MGAT4C: variants seen among roughly 807,000 people sequenced by gnomAD.
The protein encoded by MGAT4C is MGAT4 family member C.
In MGAT4C, 19 loss-of-function variants were observed where a neutral mutation model predicts 40.1. The observed-to-expected ratio is 0.47, with a 90% CI of 0.33 to 0.70. The LOEUF is 0.70. MGAT4C is among the 30% of genes least tolerant of loss of function. The pLI, the probability that MGAT4C is intolerant of heterozygous loss-of-function variation, is 0.02. For missense variants in MGAT4C, 491 were observed against 563.2 expected (o/e 0.87, Z 1.30); for synonymous variants, 181 against 187.1 (o/e 0.97, Z 0.27).
chr12:86,201,428 T>C (rs1014998637), intron 1 of MGAT4C, among the ~76,000 whole-genome samples: 1 of 144,658 alleles, frequency 6.9e-6, no homozygotes, highest in Non-Finnish European at 1.5e-5. Flanking sequence ...TTATAATATT[T>C]TATTTTTATA....
chr12:86,605,938 G>T (rs907235393), intron 2 of MGAT4C, among the ~76,000 whole-genome samples: 2 of 152,152 alleles, frequency 1.3e-5, no homozygotes, highest in Non-Finnish European at 2.9e-5. Flanking sequence ...GTAAAGGAAA[G>T]AAGTTTAATT....
chr12:86,189,608 T>G (rs1889145470), intron 1 of MGAT4C, among the ~76,000 whole-genome samples: 1 of 152,052 alleles, frequency 6.6e-6, no homozygotes, highest in Non-Finnish European at 1.5e-5. Flanking sequence ...GGAAACAGTC[T>G]AAGAGCACCT....
intron 1 of MGAT4C, among the ~76,000 whole-genome samples, chr12:86,154,070 A>AT (rs1424511640): frequency 6.6e-6 from 1 of 152,216 alleles, no homozygotes; most frequent in Non-Finnish European, 1.5e-5. Flanking sequence ...GACAAAACAC[A>AT]TTTACCATCA....
chr12:86,643,853 A>G (rs9788070), intron 2 of MGAT4C, among the ~76,000 whole-genome samples: 147,603 of 151,684 alleles, frequency 0.97, 71,906 homozygotes, highest in Middle Eastern at 1. Context: ...AATAGGCATA[A>G]AGTGATTATT....
intron 1 of MGAT4C, among the ~76,000 whole-genome samples, chr12:86,247,608 G>A (rs1259031680): frequency 6.6e-6 from 1 of 152,178 alleles, no homozygotes; most frequent in African/African-American, 2.4e-5. Flanking sequence ...CCTTAAGGCT[G>A]TGCTTCTTTA....
chr12:86,216,557 T>A (rs1448115376), intron 1 of MGAT4C, among the ~76,000 whole-genome samples: 1 of 152,218 alleles, frequency 6.6e-6, no homozygotes, highest in African/African-American at 2.4e-5. Flanking sequence ...TGATAAGAGC[T>A]ATTTAGGTTT....
chr12:86,312,209 T>C (rs1175462545), intron 4 of MGAT4C, among the ~76,000 whole-genome samples: 1 of 152,180 alleles, frequency 6.6e-6, no homozygotes, highest in Non-Finnish European at 1.5e-5. Context: ...TTCACAAACC[T>C]CTTCTTTGCC....
At chr12:86,123,935 G>A (rs1424407466) in intron 1 of MGAT4C, among the ~76,000 whole-genome samples, 3 of 151,778 alleles carry the variant, frequency 2.0e-5, no homozygotes, top group Non-Finnish European at 2.9e-5. Context: ...ATGAGATGTA[G>A]GAAAAAAATA....
chr12:86,059,186 A>C (rs1893689888), intron 1 of MGAT4C, among the ~76,000 whole-genome samples: 1 of 152,092 alleles, frequency 6.6e-6, no homozygotes, highest in Non-Finnish European at 1.5e-5. Flanking sequence ...AGCTGTGATT[A>C]CAGGTGCCTG....
At chr12:86,764,298 G>C (rs561395731) in intron 1 of MGAT4C, among the ~76,000 whole-genome samples, 20 of 152,266 alleles carry the variant, frequency 1.3e-4, no homozygotes, top group African/African-American at 3.8e-4. Flanking sequence ...CAAGGCGGCA[G>C]CGAGGCTGGG....
intron 2 of MGAT4C, among the ~76,000 whole-genome samples, chr12:86,533,114 T>A (rs1192389747): frequency 1.3e-5 from 2 of 152,028 alleles, no homozygotes; most frequent in African/African-American, 4.8e-5. Flanking sequence ...GTAAACACAG[T>A]TAATTTGGAT....
chr12:86,279,281 G>T (rs1448306811), intron 4 of MGAT4C, among the ~76,000 whole-genome samples: 1 of 152,104 alleles, frequency 6.6e-6, no homozygotes, highest in African/African-American at 2.4e-5. Context: ...TTAAGCCATT[G>T]GGCCCTGGCC....
chr12:86,762,655 T>C (rs1285321809), intron 1 of MGAT4C, among the ~76,000 whole-genome samples: 1 of 152,234 alleles, frequency 6.6e-6, no homozygotes, highest in African/African-American at 2.4e-5. Flanking sequence ...CATTGAATAT[T>C]TTCATTACAT....
chr12:86,698,458 G>A (rs990390008), intron 2 of MGAT4C, among the ~76,000 whole-genome samples: 3 of 152,024 alleles, frequency 2.0e-5, no homozygotes, highest in Admixed American at 6.6e-5. Context: ...AATTAGTAAA[G>A]TCTTGTCACA....
intron 4 of MGAT4C, among the ~76,000 whole-genome samples, chr12:86,318,393 C>A (rs1262447417): frequency 1.3e-5 from 2 of 152,200 alleles, no homozygotes; most frequent in Non-Finnish European, 2.9e-5. Flanking sequence ...TAAATCACTG[C>A]TCCCTGATGT....
intron 2 of MGAT4C, among the ~76,000 whole-genome samples, chr12:86,528,852 C>T (rs971985223): frequency 6.6e-6 from 1 of 151,920 alleles, no homozygotes; most frequent in African/African-American, 2.4e-5. Flanking sequence ...ATAATTGAAG[C>T]TATCACATCA....
intron 1 of MGAT4C, among the ~76,000 whole-genome samples, chr12:86,212,783 T>C (rs1373327562): frequency 9.3e-6 from 1 of 107,390 alleles, no homozygotes; most frequent in Non-Finnish European, 2.0e-5. Context: ...TCCCAGCTAC[T>C]TGGGAGGCTG....
intron 4 of MGAT4C, among the ~76,000 whole-genome samples, chr12:86,312,381 TTGTTGTTAACA>T (rs1954101763): frequency 6.6e-6 from 1 of 152,170 alleles, no homozygotes; most frequent in African/African-American, 2.4e-5. Context: ...CTATCACTCT[TTGTTGTTAACA>T]CAGCTGCTTG....
chr12:86,119,092 T>C (rs1003853559), intron 1 of MGAT4C, among the ~76,000 whole-genome samples: 2 of 152,082 alleles, frequency 1.3e-5, no homozygotes, highest in African/African-American at 2.4e-5. Flanking sequence ...TGAAATAATG[T>C]TACATAGTTT....
Sources: allele counts gnomAD v4.1 joint callset (sites outside exome capture counted in the v4.1 genomes callset), GRCh38; gene constraint gnomAD v4.1.1; transcripts MANE v1.5; gene names NCBI Gene and HGNC (gene_info 2026-07-23, HGNC 2026-07-21).